The following YWHAB variants were observed in gnomAD, a reference collection of about 807,000 sequenced individuals.
YWHAB encodes tyrosine 3-monooxygenase/tryptophan 5-monooxygenase activation protein beta, also known as 14-3-3 protein beta/alpha.
In YWHAB, 2 loss-of-function variants were observed where a neutral mutation model predicts 28.5. The observed-to-expected ratio is 0.07, with a 90% CI of 0.03 to 0.22. The LOEUF is 0.22. Ranked by LOEUF, YWHAB falls within the 10% of genes least tolerant of loss-of-function variation. The pLI, the probability that YWHAB is intolerant of heterozygous loss-of-function variation, is 1.00. For synonymous variants in YWHAB, 103 were observed against 104.7 expected, an observed-to-expected ratio of 0.98 and a Z score of 0.10; for missense variants, 148 against 297.1, an observed-to-expected ratio of 0.50 and a Z score of 3.69.
chr20:44,896,195 T>A (rs1384104128), intron 1 of YWHAB, among the ~76,000 whole-genome samples: 2 of 152,200 alleles, frequency 1.3e-5, no homozygotes, highest in Non-Finnish European at 2.9e-5. Context: ...CATTTAAAAA[T>A]TTTTTTAAAG....
intron 1 of YWHAB, among the ~76,000 whole-genome samples, chr20:44,892,190 T>C (rs779187699): frequency 2.0e-5 from 3 of 152,354 alleles, no homozygotes; most frequent in East Asian, 1.9e-4. Flanking sequence ...CCTTACCCCA[T>C]TGAAACATTC....
chr20:44,888,911 G>C (rs755335014), intron 1 of YWHAB, among the ~76,000 whole-genome samples: 1 of 152,096 alleles, frequency 6.6e-6, no homozygotes, highest in African/African-American at 2.4e-5. Context: ...CATTTTGTTG[G>C]CAGGGAGGAA....
chr20:44,902,561 A>G (rs917076686), intron 2 of YWHAB: 1 of 152,236 alleles, frequency 6.6e-6, no homozygotes, highest in African/African-American at 2.4e-5. Flanking sequence ...AAAGGAATTC[A>G]CACTTGGGGA....
intron 1 of YWHAB, among the ~76,000 whole-genome samples, chr20:44,892,951 A>G (rs963784790): frequency 1.3e-5 from 2 of 152,190 alleles, no homozygotes; most frequent in Non-Finnish European, 2.9e-5. Flanking sequence ...TTCAAAGCTT[A>G]TTATTTTCGA....
At chr20:44,891,864 C>T (rs967754565) in intron 1 of YWHAB, among the ~76,000 whole-genome samples, 8 of 152,156 alleles carry the variant, frequency 5.3e-5, no homozygotes, top group African/African-American at 1.9e-4. Context: ...TAACAAAGAA[C>T]CTGCAAATGT....
chr20:44,897,840 G>A (rs957435875), intron 1 of YWHAB, among the ~76,000 whole-genome samples: 2 of 152,194 alleles, frequency 1.3e-5, no homozygotes, highest in African/African-American at 4.8e-5. Flanking sequence ...GCATCTCAAT[G>A]TTTTAACCCA....
At chr20:44,900,371 T>C (rs540630932) in intron 1 of YWHAB, among the ~76,000 whole-genome samples, 1 of 152,354 alleles carries the variant, frequency 6.6e-6, no homozygotes, top group African/African-American at 2.4e-5. Flanking sequence ...GGTTAAGTGA[T>C]TTAACCAAGG....
chr20:44,901,969 A>G (rs1383805269), intron 2 of YWHAB, 136 bp downstream of exon 2: 2 of 964,162 alleles, frequency 2.1e-6, no homozygotes, highest in African/African-American at 1.6e-5. Flanking sequence ...ATTTACAACT[A>G]ATTTTTAAGC....
intron 1 of YWHAB, among the ~76,000 whole-genome samples, chr20:44,900,140 T>C (rs921852797): frequency 6.6e-6 from 1 of 152,048 alleles, no homozygotes; most frequent in Non-Finnish European, 1.5e-5. Flanking sequence ...CCTGGAACTC[T>C]GGGCTCAAGT....
At chr20:44,895,567 C>T (rs1411557547) in intron 1 of YWHAB, among the ~76,000 whole-genome samples, 1 of 152,206 alleles carries the variant, frequency 6.6e-6, no homozygotes, top group African/African-American at 2.4e-5. Flanking sequence ...CTCCTAGCCT[C>T]AAGCGATTCT....
intron 3 of YWHAB, among the ~76,000 whole-genome samples, chr20:44,904,517 C>T (rs1211987714): frequency 1.3e-5 from 2 of 152,116 alleles, no homozygotes; most frequent in Non-Finnish European, 2.9e-5. Context: ...TTCCGAGTCT[C>T]ACTTACTCTT....
chr20:44,895,356 A>AAT (rs1328827061), intron 1 of YWHAB, among the ~76,000 whole-genome samples: 1 of 152,214 alleles, frequency 6.6e-6, no homozygotes, highest in Admixed American at 6.5e-5. Context: ...AAGAGGAGAC[A>AAT]ATTTATCAGG....
chr20:44,907,499 G>C lies in YWHAB; in HGVS notation c.*1061G>C, dbSNP rs1031121254. ...AAAAGGAATGATGTTCTGTAGAGAT[G>C]GCCTTTCACTTGAGGAGTACTCAGT... On this transcript the variant is annotated 3_prime_UTR_variant, in exon 6 of 6. Transcript: ENST00000353703. 14 of 152,164 alleles carry C rather than the reference G, an allele frequency of 9.2e-5. No individual in the cohort carries two copies. The highest frequency in any genetic ancestry group is 2.1e-4 in the Non-Finnish European group (14 of 68,032). The allele number at this position is 152,164 out of a possible 1,614,324, so 9.4% of individuals were successfully genotyped here. A position where few individuals can be genotyped will look rare whatever the true frequency, so the allele number is the denominator to read the frequency against.
rs117010345 is a variant in YWHAB at position 44,888,466 on chromosome 20, G to T, written c.-4+2580G>T. On this transcript the variant is annotated intron_variant, in intron 1 of 5. Transcript: ENST00000353703. ...ATTTTCCCGAGGTCTCACACACAGC[G>T]CAAGGTAAGTGCCAGAACCAGGAAT... 3.2e-4 allele frequency among the ~76,000 whole-genome samples: 48 copies of T among 152,290 alleles called. No individual in the cohort carries two copies. The East Asian group carries it at 8.5e-3, about 27-fold the overall frequency.
intron 1 of YWHAB, 137 bp downstream of exon 1, chr20:44,886,023 C>T (rs1280552589): frequency 1.3e-5 from 2 of 152,282 alleles, no homozygotes; most frequent in Admixed American, 6.5e-5. Flanking sequence ...TCCGCGCGGC[C>T]GCCGGCGGCG....
chr20:44,891,537 T>C (rs553313633), intron 1 of YWHAB, among the ~76,000 whole-genome samples: 1 of 152,356 alleles, frequency 6.6e-6, no homozygotes, highest in South Asian at 2.1e-4. Flanking sequence ...TAGAAATTAT[T>C]CATAAGGTCA....
chr20:44,903,164 G>A (rs1007705389), intron 2 of YWHAB: 2 of 921,100 alleles, frequency 2.2e-6, no homozygotes, highest in Admixed American at 1.2e-4. Flanking sequence ...AATAGTATTA[G>A]CTACTCTTTG....
rs2066547844 is a variant in YWHAB, at chr20:44,889,481, T to A, written c.-4+3595T>A. Among the ~76,000 whole-genome samples the A allele has an allele frequency of 5.3e-5, 8 of 151,114 alleles. No homozygotes were observed. The South Asian group carries it at 1.7e-3, about 32-fold the overall frequency. On this transcript the variant is annotated intron_variant, in intron 1 of 5. Coordinates refer to ENST00000353703, the MANE Select transcript of YWHAB (RefSeq NM_139323.4). Reference sequence around the variant, plus strand: ...AGTTAACTTTTTTTTTTTTTTTAAATTCTGGCCAGTTCTTTATTATGTAAG... The same window carrying A: ...AGTTAACTTTTTTTTTTTTTTTAAAATCTGGCCAGTTCTTTATTATGTAAG...
chr20:44,903,280 C>T (rs970102350), intron 2 of YWHAB: 1 of 174,112 alleles, frequency 5.7e-6, no homozygotes, highest in African/African-American at 2.4e-5. Flanking sequence ...GATGACCCTT[C>T]GTATAGCTGA....
Sources: allele counts gnomAD v4.1 joint callset (sites outside exome capture counted in the v4.1 genomes callset), GRCh38; gene constraint gnomAD v4.1.1; transcripts MANE v1.5; gene names NCBI Gene and HGNC (gene_info 2026-07-23, HGNC 2026-07-21).